AHNAK: variants seen among roughly 807,000 people sequenced by gnomAD.
AHNAK encodes AHNAK nucleoprotein.
In AHNAK, 23 loss-of-function variants were observed where a neutral mutation model predicts 37.8. The observed-to-expected ratio is 0.61, with a 90% CI of 0.44 to 0.86. The LOEUF (loss-of-function observed/expected upper bound fraction) is 0.86. Among genes scored for constraint, AHNAK ranks in the 40% least tolerant of loss-of-function variants. AHNAK has a pLI of 0.00. For synonymous variants in AHNAK, 2,481 were observed against 2,636.3 expected, an observed-to-expected ratio of 0.94 and a Z score of 1.80; for missense variants, 7,411 against 7,319.4, an observed-to-expected ratio of 1.01 and a Z score of -0.46.
downstream of AHNAK, among the ~76,000 whole-genome samples, chr11:62,513,607 G>A (rs963008348): frequency 6.6e-6 from 1 of 151,918 alleles, no homozygotes; most frequent in Non-Finnish European, 1.5e-5. Flanking sequence ...GAGGGCAGGG[G>A]TAAGGTGCAT....
In AHNAK at chr11:62,526,860, G is replaced by C; in HGVS notation, c.7557C>G (p.Ser2519Arg). 1 of 1,613,140 alleles carries C rather than the reference G, an allele frequency of 6.2e-7. No individual in the cohort carries two copies. Among genetic ancestry groups the C allele is most frequent in the East Asian group, 2.2e-5 (1 of 44,816 alleles). The change falls in exon 5 of 5, where the codon AGC becomes AGG. Residue 2519 changes from serine (S) to arginine (R), a missense_variant. Coordinates refer to ENST00000378024, the MANE Select transcript of AHNAK (RefSeq NM_001620.3). ...KMPKMKMPKF[S>R]MPGFKAEGPE... is the part of the protein sequence containing the mutation. Reference sequence around the variant, plus strand: ...GGCCCTCTGCTTTGAAGCCAGGCATGCTGAACTTGGGCATTTTCATCTTGG... The same window carrying C: ...GGCCCTCTGCTTTGAAGCCAGGCATCCTGAACTTGGGCATTTTCATCTTGG...
In AHNAK at chr11:62,517,706, C is replaced by T; in HGVS notation, c.16711G>A (p.Asp5571Asn). 1 of 1,614,222 alleles carries T rather than the reference C, an allele frequency of 6.2e-7. No homozygotes were observed. Among genetic ancestry groups the T allele is most frequent in the Non-Finnish European group, 8.5e-7 (1 of 1,180,044 alleles). ...GGGGCACTGACACCCCCTGAAACAT[C>T]CGCACCTCCTTTGATTTTTGGGCCC... is the stretch of plus-strand genomic sequence containing the variant. Reference protein sequence around the residue: ...LKGPKIKGGADVSGGVSAPDI... With the variant: ...LKGPKIKGGANVSGGVSAPDI... Residue 5571 changes from aspartate (D) to asparagine (N), a missense_variant, in exon 5 of 5, where the codon GAT becomes AAT. By Grantham distance (23) the Asp-to-Asn change is conservative (BLOSUM62 1). Transcript: ENST00000378024.
chr11:62,444,206 A>T (rs913976609), intron 5 of AHNAK, among the ~76,000 whole-genome samples: 3 of 152,018 alleles, frequency 2.0e-5, no homozygotes, highest in African/African-American at 7.3e-5. Context: ...AATTTTAAAG[A>T]TAATACTCAT....
rs1469715913 is a variant in AHNAK at position 62,518,827 on chromosome 11, G to A, written c.15590C>T (p.Pro5197Leu). 6.2e-7 allele frequency: 1 copy of A among 1,614,142 alleles called. No individual in the cohort carries two copies. The highest frequency in any genetic ancestry group is 1.7e-5 in the Admixed American group (1 of 60,008). ...TCCTTTCAAGTTTACATTCACATCA[G>A]GGATGGAGACTTGAGGGGCAGAAAT... ...FGISAPQVSIPDVNVNLKGPK... is the reference protein window; with the variant it reads ...FGISAPQVSILDVNVNLKGPK... Residue 5197 changes from proline to leucine, a missense_variant, in exon 5 of 5, where the codon CCT becomes CTT. Transcript: ENST00000378024.
Position 62,529,590 on chromosome 11 carries a change from C to A in AHNAK, c.4827G>T (p.Lys1609Asn). 1 of 1,614,156 alleles carries A rather than the reference C, an allele frequency of 6.2e-7. No homozygotes were observed. Among genetic ancestry groups the A allele is most frequent in the Non-Finnish European group, 8.5e-7 (1 of 1,180,028 alleles). Residue 1609 changes from lysine (K) to asparagine (N), a missense_variant, in exon 5 of 5, where the codon AAG becomes AAT. Coordinates refer to ENST00000378024, the MANE Select transcript of AHNAK (RefSeq NM_001620.3). ...GGGCTTTCACATCAATTTCAGGACC[C>A]TTCAAGTCTCCTTCCACTTTGGGAA... is the stretch of plus-strand genomic sequence containing the variant. ...VSLPKVEGDLKGPEIDVKAPK... is the reference protein window; with the variant it reads ...VSLPKVEGDLNGPEIDVKAPK...
In AHNAK at chr11:62,533,611, C is replaced by A; in HGVS notation, c.806G>T (p.Gly269Val). The A allele has an allele frequency of 6.2e-7, 1 of 1,614,170 alleles. No homozygotes were observed. Among genetic ancestry groups the A allele is most frequent in the Non-Finnish European group, 8.5e-7 (1 of 1,180,020 alleles). Reference sequence around the variant, plus strand: ...TGCTGGAACTTGGACCCCTCCTCTGCCACCCAAGTCCAAGCCCTTTGCATT... The same window carrying A: ...TGCTGGAACTTGGACCCCTCCTCTGACACCCAAGTCCAAGCCCTTTGCATT... ...NVNAKGLDLGGRGGVQVPAVD... is the reference protein window; with the variant it reads ...NVNAKGLDLGVRGGVQVPAVD... The change falls in exon 5 of 5, where the codon GGC (glycine) becomes GTC (valine). Residue 269 changes from glycine to valine, a missense_variant. By Grantham distance (109) the Gly-to-Val change is moderately radical. Transcript: ENST00000378024.
Position 62,446,502 on chromosome 11 carries a change from C to T in AHNAK, c.443-12611G>A, listed in dbSNP as rs192392668. Among the ~76,000 whole-genome samples the T allele has an allele frequency of 2.0e-3, 301 of 152,288 alleles. 1 individual carries two copies. Among genetic ancestry groups the T allele is most frequent in the African/African-American group, 6.6e-3 (274 of 41,544 alleles). ...CCCGGGACTTCCCAGGGCACAACCACGCAGATGTGGACTGGGGTTTTCTAA... is the reference window on the plus strand; with the variant it reads ...CCCGGGACTTCCCAGGGCACAACCATGCAGATGTGGACTGGGGTTTTCTAA... On this transcript the variant is annotated intron_variant, in intron 5 of 5. Coordinates refer to the AHNAK transcript ENST00000257247.
intron 5 of AHNAK, among the ~76,000 whole-genome samples, chr11:62,450,112 TTTTATTTTATTATTTTATTTTATTTTA>T (rs1251974933): frequency 1.3e-5 from 2 of 149,378 alleles, no homozygotes; most frequent in East Asian, 2.0e-4. Context: ...TTTTATTTTA[TTTTATTTTATTATTTTATTTTATTTTA>T]TTTATTTTAT....
chr11:62,524,005 T>C lies in AHNAK; in HGVS notation c.10412A>G (p.Asn3471Ser). The change falls in exon 5 of 5, where the codon AAT becomes AGT. Residue 3471 changes from asparagine to serine, a missense_variant. By Grantham distance (46) the Asn-to-Ser change is conservative. Coordinates refer to ENST00000378024, the MANE Select transcript of AHNAK (RefSeq NM_001620.3). ...PDVDVHGPDW[N>S]LKMPKMKMPK... Reference sequence around the variant, plus strand: ...CATTTTCATCTTGGGCATTTTCAGATTCCAGTCTGGACCATGAACATCCAC... The same window carrying C: ...CATTTTCATCTTGGGCATTTTCAGACTCCAGTCTGGACCATGAACATCCAC... 6.2e-7 allele frequency: 1 copy of C among 1,614,206 alleles called. No individual in the cohort carries two copies. The highest frequency in any genetic ancestry group is 1.1e-5 in the South Asian group (1 of 91,080).
intron 5 of AHNAK, among the ~76,000 whole-genome samples, chr11:62,487,180 T>C (rs887459393): frequency 2.0e-4 from 31 of 152,158 alleles, no homozygotes; most frequent in Non-Finnish European, 4.4e-5. Context: ...ACAGCTAACG[T>C]TTATTAAGCA....
At chr11:62,450,309 C>G (rs1035048569) in intron 5 of AHNAK, among the ~76,000 whole-genome samples, 3 of 152,008 alleles carry the variant, frequency 2.0e-5, no homozygotes, top group South Asian at 4.2e-4. Flanking sequence ...AGGCACCCAC[C>G]ACCACGCCCG....
chr11:62,496,182 ACAAT>A (rs1249514964), intron 4 of AHNAK, among the ~76,000 whole-genome samples: 3 of 152,198 alleles, frequency 2.0e-5, no homozygotes, highest in African/African-American at 4.8e-5. Flanking sequence ...AGAAAATGAA[ACAAT>A]CAAATCATTA....
chr11:62,463,181 C>T (rs2134830579), intron 5 of AHNAK, among the ~76,000 whole-genome samples: 1 of 150,278 alleles, frequency 6.7e-6, no homozygotes, highest in African/African-American at 2.5e-5. Flanking sequence ...GCCAGTCCTA[C>T]AGACCAGGAA....
intron 5 of AHNAK, among the ~76,000 whole-genome samples, chr11:62,475,244 A>G (rs574645739): frequency 3.5e-4 from 54 of 152,290 alleles, no homozygotes; most frequent in African/African-American, 1.2e-3. Context: ...CAGAGGTTGC[A>G]GTGAGCCGAG....
At position 62,529,436 on chromosome 11, in the gene AHNAK, G is replaced by T. The variant is rs1351668760; in HGVS notation, c.4981C>A (p.His1661Asn). ...PKISMPDVDL[H>N]LKGPKVKGDM... ...CCTTTGACTTTGGGGCCTTTCAAGTGTAAGTCCACATCGGGCATGGAGATC... is the reference window on the plus strand; with the variant it reads ...CCTTTGACTTTGGGGCCTTTCAAGTTTAAGTCCACATCGGGCATGGAGATC... Residue 1661 changes from histidine to asparagine, a missense_variant, in exon 5 of 5, where the codon CAC (histidine) becomes AAC (asparagine). His to Asn is a moderately conservative substitution (Grantham distance 68, BLOSUM62 1). Transcript: ENST00000378024. The T allele has an allele frequency of 6.2e-7, 1 of 1,613,216 alleles. No homozygotes were observed. Among genetic ancestry groups the T allele is most frequent in the African/African-American group, 1.3e-5 (1 of 74,644 alleles).
intron 4 of AHNAK, among the ~76,000 whole-genome samples, chr11:62,492,247 C>T (rs1939516504): frequency 6.6e-6 from 1 of 152,202 alleles, no homozygotes; most frequent in Non-Finnish European, 1.5e-5. Flanking sequence ...CAGCACTCAT[C>T]GGTTACTGCC....
chr11:62,511,629 A>C (rs1939915595), downstream of AHNAK, among the ~76,000 whole-genome samples: 1 of 152,204 alleles, frequency 6.6e-6, no homozygotes, highest in Non-Finnish European at 1.5e-5. Flanking sequence ...TGCCATTGGG[A>C]CATATGTGTG....
In AHNAK at chr11:62,522,721, T is replaced by C. The variant is rs1481589223; in HGVS notation, c.11696A>G (p.Glu3899Gly). Residue 3899 changes from glutamate to glycine, a missense_variant, in exon 5 of 5, where the codon GAA becomes GGA. Glu to Gly is a moderately conservative substitution (Grantham distance 98). Transcript: ENST00000378024. Reference protein sequence around the residue: ...GDMDVSLPKVEGDMQVPDLDI... With the variant: ...GDMDVSLPKVGGDMQVPDLDI... ...CAAGTCAGGAACTTGCATGTCACCT[T>C]CCACTTTTGGCAGAGACACATCCAT... 4.3e-6 allele frequency: 7 copies of C among 1,613,212 alleles called. No homozygotes were observed. Among genetic ancestry groups the C allele is most frequent in the Non-Finnish European group, 5.9e-6 (7 of 1,179,892 alleles).
intron 5 of AHNAK, among the ~76,000 whole-genome samples, chr11:62,483,678 G>T (rs1292055564): frequency 1.3e-5 from 2 of 151,832 alleles, no homozygotes; most frequent in African/African-American, 4.8e-5. Flanking sequence ...CTAACACGGT[G>T]AAACCCTGTC....
Sources: gnomAD v4.1 joint callset for allele counts (sites outside exome capture counted in the v4.1 genomes callset) on GRCh38, gnomAD v4.1.1 for gene constraint, MANE v1.5 for transcripts, NCBI Gene and HGNC (gene_info 2026-07-23, HGNC 2026-07-21) for gene names.